Variants in SUGCT observed in about 807,000 individuals in gnomAD.
SUGCT encodes succinyl-CoA:glutarate-CoA transferase.
SUGCT carries 41 observed loss-of-function variants against 55.0 expected under a neutral mutation model. The observed-to-expected ratio is 0.74, with a 90% confidence interval of 0.58 to 0.97. SUGCT has a LOEUF of 0.97. Ranked by LOEUF, SUGCT falls within the 50% of genes least tolerant of loss-of-function variation. SUGCT has a pLI of 0.00. For synonymous variants in SUGCT, 187 were observed against 200.4 expected, an observed-to-expected ratio of 0.93 and a Z score of 0.56; for missense variants, 568 against 547.8, an observed-to-expected ratio of 1.04 and a Z score of -0.37.
the SUGCT span, among the ~76,000 whole-genome samples, chr7:41,024,914 G>A: frequency 3.3e-5 from 5 of 152,184 alleles, no homozygotes; most frequent in Admixed American, 3.3e-4. Flanking sequence ...CAATCAGAAA[G>A]AAGCCTAAGA....
At chr7:40,807,816 C>A (rs1256287649) in intron 13 of SUGCT, among the ~76,000 whole-genome samples, 1 of 152,184 alleles carries the variant, frequency 6.6e-6, no homozygotes, top group Non-Finnish European at 1.5e-5. Context: ...GGCAAGGAAG[C>A]CAGTCCGATT....
chr7:40,663,511 G>GTA (rs1801443226), intron 12 of SUGCT, among the ~76,000 whole-genome samples: 3 of 151,402 alleles, frequency 2.0e-5, no homozygotes, highest in Admixed American at 2.0e-4. Context: ...GTGTGTGTGT[G>GTA]TGTGTGTGTG....
In SUGCT at chr7:40,194,984, C is replaced by G; in HGVS notation, c.408C>G (p.Gly136=). The G allele has an allele frequency of 6.2e-7, 1 of 1,613,840 alleles. No homozygotes were observed. The highest frequency in any genetic ancestry group is 1.7e-5 in the Admixed American group (1 of 60,012). Residue 136 remains glycine (G), a synonymous_variant, in exon 6 of 14, where the codon GGC becomes GGG. Coordinates refer to ENST00000335693, the MANE Select transcript of SUGCT (RefSeq NM_001193313.2). ...CDVFVENYVP[G]KLSAMGLGYE... ...TGTTTGTGGAAAACTATGTCCCTGG[C>G]AAACTGTCTGCAATGGGCCTGGGAT...
intron 5 of SUGCT, among the ~76,000 whole-genome samples, chr7:40,193,765 A>AT: frequency 6.8e-6 from 1 of 146,432 alleles, no homozygotes; most frequent in South Asian, 2.2e-4. Flanking sequence ...CACCTGGCTC[A>AT]TTTTTTTGTA....
intron 6 of SUGCT, among the ~76,000 whole-genome samples, chr7:40,237,136 G>T (rs1789066108): frequency 6.7e-6 from 1 of 149,680 alleles, no homozygotes; most frequent in African/African-American, 2.4e-5. Flanking sequence ...CCCGGCCTGA[G>T]TTTTTTTTTA....
intron 8 of SUGCT, among the ~76,000 whole-genome samples, chr7:40,299,386 A>G (rs1350318130): frequency 6.6e-6 from 1 of 152,184 alleles, no homozygotes; most frequent in African/African-American, 2.4e-5. Flanking sequence ...TGGCTCATTA[A>G]AACAAGAAAA....
chr7:40,232,169 G>T (rs928470323), intron 6 of SUGCT, among the ~76,000 whole-genome samples: 13 of 152,134 alleles, frequency 8.5e-5, no homozygotes, highest in Admixed American at 1.3e-4. Context: ...AGAAACAGGT[G>T]GCTAATGGAA....
At chr7:40,417,436 A>C (rs533436252) in intron 9 of SUGCT, among the ~76,000 whole-genome samples, 3 of 151,876 alleles carry the variant, frequency 2.0e-5, no homozygotes, top group Non-Finnish European at 4.4e-5. Context: ...TAGTAATAGC[A>C]GTTTTCTTTT....
At chr7:40,565,167 C>T (rs951204658) in intron 12 of SUGCT, among the ~76,000 whole-genome samples, 1 of 152,152 alleles carries the variant, frequency 6.6e-6, no homozygotes, top group Non-Finnish European at 1.5e-5. Flanking sequence ...CTTTTAGTAG[C>T]GTTCTCTCAA....
At chr7:40,581,256 G>A (rs561614375) in intron 12 of SUGCT, among the ~76,000 whole-genome samples, 1 of 152,266 alleles carries the variant, frequency 6.6e-6, no homozygotes. Context: ...CTCTATAATT[G>A]CAGGTATGGT....
intron 12 of SUGCT, among the ~76,000 whole-genome samples, chr7:40,509,336 G>A (rs1296712719): frequency 6.6e-6 from 1 of 151,936 alleles, no homozygotes; most frequent in Admixed American, 6.6e-5. Context: ...GTGCACTTCC[G>A]CAGCCACACT....
At chr7:40,448,746 G>A (rs1054087712) in intron 9 of SUGCT, among the ~76,000 whole-genome samples, 1 of 152,120 alleles carries the variant, frequency 6.6e-6, no homozygotes, top group Non-Finnish European at 1.5e-5. Flanking sequence ...ACAGGAGGCT[G>A]GGGCAGGAGG....
chr7:40,856,436 C>T (rs749439968), intron 13 of SUGCT, among the ~76,000 whole-genome samples: 6 of 152,152 alleles, frequency 3.9e-5, no homozygotes, highest in Non-Finnish European at 8.8e-5. Flanking sequence ...TATTTTTCAG[C>T]ATGATAACTA....
At chr7:40,932,721 G>GA in the SUGCT span, among the ~76,000 whole-genome samples, 4 of 149,228 alleles carry the variant, frequency 2.7e-5, no homozygotes, top group African/African-American at 9.9e-5. Flanking sequence ...TTTCAAGTCT[G>GA]CTTTATCAGA....
intron 7 of SUGCT, among the ~76,000 whole-genome samples, chr7:40,245,450 T>TTA (rs1554295555): frequency 0.011 from 901 of 82,774 alleles, 53 homozygotes; most frequent in Non-Finnish European, 0.015. Flanking sequence ...TTTTTTTTTT[T>TTA]TTTTTTTGAG....
intron 12 of SUGCT, among the ~76,000 whole-genome samples, chr7:40,645,600 A>G (rs1800463449): frequency 2.0e-5 from 3 of 152,200 alleles, no homozygotes; most frequent in African/African-American, 2.4e-5. Context: ...TCATTTAAAT[A>G]CACGCTCATG....
At chr7:40,942,767 C>CT in the SUGCT span, among the ~76,000 whole-genome samples, 77 of 149,368 alleles carry the variant, frequency 5.2e-4, no homozygotes, top group Middle Eastern at 3.4e-3. Flanking sequence ...AATTCTCTGT[C>CT]TTTTTTTTTT....
the SUGCT span, among the ~76,000 whole-genome samples, chr7:40,967,940 A>G: frequency 6.6e-6 from 1 of 152,184 alleles, no homozygotes. Flanking sequence ...CTAAGACTGG[A>G]CTCAATGGAT....
Position 40,393,194 on chromosome 7 carries a change from A to G in SUGCT, c.817-56093A>G, listed in dbSNP as rs564537979. Among the ~76,000 whole-genome samples the G allele has an allele frequency of 7.9e-5, 12 of 152,294 alleles. No homozygotes were observed. The South Asian group carries it at 1.5e-3, about 18-fold the overall frequency. ...TTGTAGACGGATTACTGGGGTATCT[A>G]GGTTCATTGAAGAATGGGAAACCCA... On this transcript the variant is annotated intron_variant, in intron 9 of 13. Coordinates refer to ENST00000335693, the MANE Select transcript of SUGCT (RefSeq NM_001193313.2).
Sources: allele counts gnomAD v4.1 joint callset (sites outside exome capture counted in the v4.1 genomes callset), GRCh38; gene constraint gnomAD v4.1.1; transcripts MANE v1.5; gene names NCBI Gene and HGNC (gene_info 2026-07-23, HGNC 2026-07-21).